Variants in MYBPC1 observed in about 807,000 individuals in gnomAD.
MYBPC1 encodes the protein myosin-binding protein C, slow-type.
MYBPC1 carries 52 observed loss-of-function variants against 147.1 expected under a neutral mutation model. That is an observed-to-expected ratio of 0.35 (90% CI 0.28 to 0.45). The LOEUF (loss-of-function observed/expected upper bound fraction) is 0.45, where lower values mean the gene tolerates loss of function less well. Among genes scored for constraint, MYBPC1 ranks in the 20% least tolerant of loss-of-function variants. The probability of loss-of-function intolerance (pLI) is 1.00; values close to 1 mark genes in which losing one functional copy is unlikely to be tolerated. For missense variants in MYBPC1, 1,228 were observed against 1,440.3 expected, an observed-to-expected ratio of 0.85 and a Z score of 2.39; for synonymous variants, 477 against 475.9, an observed-to-expected ratio of 1.00 and a Z score of -0.03.
intron 15 of MYBPC1, among the ~76,000 whole-genome samples, chr12:101,650,566 A>AG (rs1894229036): frequency 6.6e-6 from 1 of 152,182 alleles, no homozygotes; most frequent in South Asian, 2.1e-4. Flanking sequence ...GAACAGCAGC[A>AG]GGGGGGTAAC....
rs1292606603 is a variant in MYBPC1 at position 101,659,719 on chromosome 12, T to C, written c.1815T>C (p.Asp605=). The C allele has an allele frequency of 6.2e-7, 1 of 1,614,168 alleles. No homozygotes were observed. Among genetic ancestry groups the C allele is most frequent in the Non-Finnish European group, 8.5e-7 (1 of 1,179,992 alleles). ...GGATAAGAACAGAATCTTACCCTGA[T>C]AGCAGCACTCTGGTCATTGATATAG... ...SGRIRTESYP[D]SSTLVIDIAE... Residue 605 remains aspartate, a synonymous_variant, in exon 19 of 32, where the codon GAT becomes GAC. Transcript: ENST00000361466.
At position 101,651,580 on chromosome 12, in the gene MYBPC1, C is replaced by T. The variant is rs966403104; in HGVS notation, c.1526+187C>T. On this transcript the variant is annotated intron_variant, in intron 16 of 31. Coordinates refer to ENST00000361466, the MANE Select transcript of MYBPC1 (RefSeq NM_002465.4). ...TGTATAGCATGTCCTACTCATAATC[C>T]TGTATCTGTACCTCACACTATGGTA... Among the ~76,000 whole-genome samples the T allele has an allele frequency of 2.5e-4, 38 of 152,190 alleles. 2 individuals are homozygous for T. The highest frequency in any genetic ancestry group is 1.5e-5 in the Non-Finnish European group (1 of 68,038).
At chr12:101,603,004 A>G (rs1490304569) in intron 1 of MYBPC1, among the ~76,000 whole-genome samples, 1 of 151,898 alleles carries the variant, frequency 6.6e-6, no homozygotes, top group East Asian at 1.9e-4. Context: ...AACAATATCT[A>G]TGTCTGTCTC....
chr12:101,654,412 A>G (rs545943228), intron 18 of MYBPC1, among the ~76,000 whole-genome samples: 1 of 152,296 alleles, frequency 6.6e-6, no homozygotes, highest in African/African-American at 2.4e-5. Flanking sequence ...ATGATAAACA[A>G]ATGAAATAAG....
chr12:101,670,110 C>A (rs1769787471), intron 23 of MYBPC1, among the ~76,000 whole-genome samples: 1 of 138,864 alleles, frequency 7.2e-6, no homozygotes, highest in African/African-American at 2.8e-5. Flanking sequence ...GTTAAAACAT[C>A]TCTGTGTGGA....
rs1447394996 is a variant in MYBPC1 at position 101,626,594 on chromosome 12, C to A, written c.104-278C>A. ...TTTGATTTTTAGCATTCATTTTTTC[C>A]TAACCTACAGTCACATAAAAAATTT... On this transcript the variant is annotated intron_variant, in intron 3 of 31. Coordinates refer to ENST00000361466, the MANE Select transcript of MYBPC1 (RefSeq NM_002465.4). Among the ~76,000 whole-genome samples the A allele has an allele frequency of 5.9e-5, 9 of 152,148 alleles. 1 individual carries two copies. The highest frequency in any genetic ancestry group is 4.6e-4 in the Admixed American group (7 of 15,272).
At chr12:101,673,829 G>T (rs962251961) in intron 25 of MYBPC1, among the ~76,000 whole-genome samples, 2 of 152,176 alleles carry the variant, frequency 1.3e-5, no homozygotes, top group African/African-American at 2.4e-5. Context: ...AACGTAGGCG[G>T]ATCACTTGGG....
Position 101,653,100 on chromosome 12 carries a change from T to C in MYBPC1, c.1634-15T>C, listed in dbSNP as rs552689077. 34 of 1,612,730 alleles carry C rather than the reference T, an allele frequency of 2.1e-5. No individual in the cohort carries two copies. In the Admixed American group the frequency reaches 4.3e-4, roughly 21 times the overall value. ...AATGACTGTCTGATAACAAAGACTA[T>C]GCTTAATATTCTAGATCCTCCTAAG... is the stretch of plus-strand genomic sequence containing the variant. On this transcript the variant is annotated splice_polypyrimidine_tract_variant and intron_variant, in intron 17 of 31. Coordinates refer to ENST00000361466, the MANE Select transcript of MYBPC1 (RefSeq NM_002465.4).
chr12:101,691,360 C>T, the MYBPC1 span, among the ~76,000 whole-genome samples: 1 of 152,250 alleles, frequency 6.6e-6, no homozygotes, highest in African/African-American at 2.4e-5. Flanking sequence ...GTGTGAGCCA[C>T]TGCACCCGGC....
intron 3 of MYBPC1, among the ~76,000 whole-genome samples, chr12:101,626,507 C>A (rs1457864667): frequency 6.6e-6 from 1 of 152,098 alleles, no homozygotes; most frequent in African/African-American, 2.4e-5. Flanking sequence ...ATAAGGTCTG[C>A]CATTCACTTT....
chr12:101,599,246 T>C (rs1484697671), intron 1 of MYBPC1, among the ~76,000 whole-genome samples: 2 of 152,246 alleles, frequency 1.3e-5, no homozygotes, highest in Admixed American at 1.3e-4. Context: ...AATATTCATC[T>C]TATCCATCTT....
At chr12:101,686,972 T>C (rs193080095), downstream of MYBPC1, among the ~76,000 whole-genome samples, 335 of 152,330 alleles carry the variant, frequency 2.2e-3, no homozygotes, top group African/African-American at 7.9e-3. Context: ...CCCCTGCTCC[T>C]ATGCTCCCAA....
intron 1 of MYBPC1, among the ~76,000 whole-genome samples, chr12:101,599,815 A>AT (rs900957271): frequency 7.9e-5 from 12 of 152,062 alleles, no homozygotes; most frequent in Non-Finnish European, 1.3e-4. Flanking sequence ...ATGCCATCAT[A>AT]TTTTTTCCTC....
chr12:101,628,042 T>G (rs1889028581), intron 5 of MYBPC1: 1 of 483,838 alleles, frequency 2.1e-6, no homozygotes, highest in African/African-American at 2.0e-5. Context: ...TTCTATCATT[T>G]TTAATATTTA....
chr12:101,606,023 C>T (rs1306667312), intron 1 of MYBPC1, among the ~76,000 whole-genome samples: 3 of 151,896 alleles, frequency 2.0e-5, no homozygotes, highest in Admixed American at 6.6e-5. Flanking sequence ...GGCGAAACTT[C>T]GTCTCTACTA....
At chr12:101,681,877 G>A (rs1163880727) in intron 29 of MYBPC1, among the ~76,000 whole-genome samples, 3 of 151,570 alleles carry the variant, frequency 2.0e-5, no homozygotes, top group Non-Finnish European at 4.4e-5. Flanking sequence ...TCAAAGTGCT[G>A]GGATTATAGG....
At chr12:101,687,712 A>G (rs1951372816), downstream of MYBPC1, among the ~76,000 whole-genome samples, 1 of 152,214 alleles carries the variant, frequency 6.6e-6, no homozygotes, top group Admixed American at 6.5e-5. Flanking sequence ...GGTCTTAGCC[A>G]TAGTGCAGCA....
chr12:101,662,157 A>C (rs1896686361), intron 20 of MYBPC1, among the ~76,000 whole-genome samples: 1 of 152,032 alleles, frequency 6.6e-6, no homozygotes, highest in African/African-American at 2.4e-5. Flanking sequence ...TTAATTTCTT[A>C]GTCCCATTAT....
chr12:101,620,792 T>C (rs1427325413), intron 3 of MYBPC1, among the ~76,000 whole-genome samples: 1 of 152,194 alleles, frequency 6.6e-6, no homozygotes, highest in African/African-American at 2.4e-5. Flanking sequence ...ATTTTATTTT[T>C]ACATCTTATT....
Sources: gnomAD v4.1 joint callset for allele counts (sites outside exome capture counted in the v4.1 genomes callset) on GRCh38, gnomAD v4.1.1 for gene constraint, MANE v1.5 for transcripts, NCBI Gene and HGNC (gene_info 2026-07-23, HGNC 2026-07-21) for gene names.